The following PHC3 variants were observed in gnomAD, a reference collection of about 807,000 sequenced individuals.
PHC3 encodes the protein polyhomeotic homolog 3, also known as polyhomeotic-like protein 3.
Under a neutral mutation model 107.4 loss-of-function variants are expected in PHC3, and 13 were observed. The observed-to-expected ratio is 0.12, with a 90% confidence interval of 0.08 to 0.19. The LOEUF is 0.19. PHC3 is among the 10% of genes least tolerant of loss of function. PHC3 has a pLI of 1.00. For missense variants in PHC3, 992 were observed against 1,210.9 expected (o/e 0.82, Z 2.68); for synonymous variants, 456 against 427.4 (o/e 1.07, Z -0.83).
In PHC3 at chr3:170,136,516, A is replaced by G. The variant is rs765085835; in HGVS notation, c.822T>C (p.Pro274=). The part of the protein sequence containing the change: ...VTSSKISQRD[P]SPESNKKGES... ...CTCCTTTCTTATTACTTTCTGGAGA[A>G]GGATCTCGTTGGCTGATTTTAGAAC... The change falls in exon 7 of 15, where the codon CCT becomes CCC. Residue 274 remains proline, a synonymous_variant. Coordinates refer to ENST00000495893, the MANE Select transcript of PHC3 (RefSeq NM_024947.4). 1.2e-6 allele frequency: 2 copies of G among 1,608,262 alleles called. No individual in the cohort carries two copies. The highest frequency in any genetic ancestry group is 2.7e-5 in the African/African-American group (2 of 74,590).
chr3:170,152,955 C>T (rs1414195439), intron 4 of PHC3, among the ~76,000 whole-genome samples: 1 of 152,130 alleles, frequency 6.6e-6, no homozygotes, highest in Non-Finnish European at 1.5e-5. Flanking sequence ...AGCCATCGCA[C>T]CAGACCACAC....
chr3:170,131,687 A>G (rs909889639), intron 7 of PHC3, among the ~76,000 whole-genome samples: 2 of 152,154 alleles, frequency 1.3e-5, no homozygotes, highest in African/African-American at 4.8e-5. Context: ...TACAAAAATT[A>G]GCCGGGCTTG....
chr3:170,151,524 A>G (rs1725964963), intron 4 of PHC3, among the ~76,000 whole-genome samples: 1 of 152,162 alleles, frequency 6.6e-6, no homozygotes, highest in South Asian at 2.1e-4. Flanking sequence ...GAGAGATGTC[A>G]CCTCAGCTGA....
chr3:170,139,829 GC>G (rs1466225275), intron 6 of PHC3, among the ~76,000 whole-genome samples: 3 of 152,126 alleles, frequency 2.0e-5, no homozygotes, highest in African/African-American at 7.2e-5. Context: ...CCTTGACAGA[GC>G]CTCCCTTTTG....
At chr3:170,136,880 A>T (rs1015566173) in intron 6 of PHC3, among the ~76,000 whole-genome samples, 6 of 152,022 alleles carry the variant, frequency 3.9e-5, no homozygotes, top group African/African-American at 1.4e-4. Context: ...TTTTTAAAAG[A>T]CATAAGAGAA....
chr3:170,117,382 C>A lies in PHC3; in HGVS notation c.2037G>T (p.Leu679Phe). 6.2e-7 allele frequency: 1 copy of A among 1,613,688 alleles called. No individual in the cohort carries two copies. Among genetic ancestry groups the A allele is most frequent in the Non-Finnish European group, 8.5e-7 (1 of 1,179,812 alleles). Residue 679 changes from leucine to phenylalanine, a missense_variant, in exon 10 of 15, where the codon TTG (leucine) becomes TTT (phenylalanine). Leu to Phe is a conservative substitution (Grantham distance 22, BLOSUM62 0). Coordinates refer to ENST00000495893, the MANE Select transcript of PHC3 (RefSeq NM_024947.4). ...TCCTTGTGGTGGCAGCTGGAAGTAA[C>A]AATGGAGGTGGTGGAACAGAAACAT... ...PSHVSVPPPP[L>F]LLPAATTRSN... is the part of the protein sequence containing the mutation.
chr3:170,168,737 G>C (rs1172575405), intron 4 of PHC3, among the ~76,000 whole-genome samples: 2 of 124,490 alleles, frequency 1.6e-5, no homozygotes, highest in Non-Finnish European at 3.2e-5. Context: ...CTGGGAGACA[G>C]AGCGAGACTC....
chr3:170,178,746 G>C lies in PHC3; in HGVS notation c.180+27C>G, dbSNP rs1423322913. The stretch of plus-strand genomic sequence containing the variant: ...AAGTAATATGACATCTTAAGTCTTA[G>C]ACTACCCATCACTACAGCTGAAATA... On this transcript the variant is annotated intron_variant, in intron 2 of 14. Transcript: ENST00000495893. 3 of 1,610,288 alleles carry C rather than the reference G, an allele frequency of 1.9e-6. No homozygotes were observed. The South Asian group carries it at 3.3e-5, about 18-fold the overall frequency.
chr3:170,135,980 C>T (rs1028726893), intron 7 of PHC3, among the ~76,000 whole-genome samples: 2 of 152,074 alleles, frequency 1.3e-5, no homozygotes, highest in Admixed American at 1.3e-4. Flanking sequence ...AAAAAGACAA[C>T]AACATAAGGA....
intron 8 of PHC3, among the ~76,000 whole-genome samples, chr3:170,123,910 G>A (rs1023808724): frequency 2.0e-5 from 3 of 151,202 alleles, no homozygotes; most frequent in East Asian, 4.0e-4. Context: ...GCAGTGGTGC[G>A]ATCTCAGCTC....
intron 6 of PHC3, among the ~76,000 whole-genome samples, chr3:170,137,017 C>G (rs1354888290): frequency 6.6e-6 from 1 of 151,860 alleles, no homozygotes; most frequent in Non-Finnish European, 1.5e-5. Flanking sequence ...TATATACAGA[C>G]AGTGTGTGTA....
intron 5 of PHC3, among the ~76,000 whole-genome samples, chr3:170,146,494 T>A (rs1190902195): frequency 6.6e-6 from 1 of 151,590 alleles, no homozygotes; most frequent in African/African-American, 2.4e-5. Flanking sequence ...AGACATTTAA[T>A]TTTTTTACTT....
intron 8 of PHC3, 107 bp from the exon 9 acceptor site, chr3:170,122,851 G>A: frequency 1.6e-5 from 21 of 1,286,936 alleles, no homozygotes; most frequent in South Asian, 9.6e-5. Context: ...TTAAAAACAA[G>A]GCAAAAATGA....
intron 9 of PHC3, among the ~76,000 whole-genome samples, chr3:170,119,317 T>C (rs766925584): frequency 3.3e-5 from 5 of 152,168 alleles, no homozygotes; most frequent in Non-Finnish European, 1.5e-5. Context: ...TTAATGTCCC[T>C]TACAGATTTA....
intron 4 of PHC3, among the ~76,000 whole-genome samples, chr3:170,166,496 T>C (rs912625302): frequency 6.6e-6 from 1 of 152,212 alleles, no homozygotes; most frequent in African/African-American, 2.4e-5. Flanking sequence ...AGCTATAATA[T>C]TCCACTGTAG....
At position 170,117,495 on chromosome 3, in the gene PHC3, A is replaced by G. The variant is rs1354610297; in HGVS notation, c.1943-19T>C. The G allele has an allele frequency of 6.3e-7, 1 of 1,582,448 alleles. No individual in the cohort carries two copies. The highest frequency in any genetic ancestry group is 1.4e-5 in the African/African-American group (1 of 73,122). On this transcript the variant is annotated intron_variant, in intron 9 of 14. Transcript: ENST00000495893. ...ACTTGCTCTGAAAAAAAAACCAAAA[A>G]GTCATTTAAAAATTTTTTTAGCATT...
intron 11 of PHC3, among the ~76,000 whole-genome samples, chr3:170,111,256 CAAG>C (rs1293210555): frequency 9.6e-4 from 116 of 121,454 alleles, no homozygotes; most frequent in Non-Finnish European, 1.3e-3. Flanking sequence ...TTCTTTAAAA[CAAG>C]AAGAAGGAAG....
rs761674468 is a variant in PHC3, at chr3:170,115,385, CACAA to C, written c.2193+1837_2193+1840del. Among the ~76,000 whole-genome samples, 65 of 151,958 alleles carry C rather than the reference CACAA, an allele frequency of 4.3e-4. 1 individual carries two copies. The highest frequency in any genetic ancestry group is 6.3e-4 in the Non-Finnish European group (43 of 67,948). On this transcript the variant is annotated intron_variant, in intron 10 of 14. Coordinates refer to ENST00000495893, the MANE Select transcript of PHC3 (RefSeq NM_024947.4). ...ATCTATAACATATATACATTATATA[CACAA>C]ACACATATACATTAAAACCACAGTA...
chr3:170,142,568 T>C (rs1363874206), intron 6 of PHC3, among the ~76,000 whole-genome samples: 2 of 152,228 alleles, frequency 1.3e-5, no homozygotes, highest in East Asian at 1.9e-4. Context: ...TTAGAGATGT[T>C]TGGCAACTTG....
Sources: gnomAD v4.1 joint callset for allele counts (sites outside exome capture counted in the v4.1 genomes callset) on GRCh38, gnomAD v4.1.1 for gene constraint, MANE v1.5 for transcripts, NCBI Gene and HGNC (gene_info 2026-07-23, HGNC 2026-07-21) for gene names.